The following LHFPL2 variants were observed in gnomAD, a reference collection of about 807,000 sequenced individuals.
LHFPL2 encodes the protein LHFPL tetraspan subfamily member 2 protein.
LHFPL2 carries 7 observed loss-of-function variants against 17.5 expected under a neutral mutation model. The observed-to-expected ratio is 0.40, with a 90% CI of 0.23 to 0.75. The LOEUF is 0.75. LHFPL2 is among the 30% of genes least tolerant of loss of function. LHFPL2 has a pLI of 0.37. For synonymous variants in LHFPL2, 134 were observed against 116.2 expected (o/e 1.15, Z -0.99); for missense variants, 241 against 294.8 (o/e 0.82, Z 1.34).
chr5:78,642,996 AC>A (rs1745734138), intron 1 of LHFPL2, among the ~76,000 whole-genome samples: 1 of 150,762 alleles, frequency 6.6e-6, no homozygotes, highest in South Asian at 2.1e-4. Flanking sequence ...TACCTAGCCC[AC>A]CTTATGGCCA....
rs77564149 is a variant in LHFPL2 at position 78,609,803 on chromosome 5, A to C, written c.-245+22461T>G. Among the ~76,000 whole-genome samples, 155 of 152,188 alleles carry C rather than the reference A, an allele frequency of 1.0e-3. 4 individuals carry two copies. In the East Asian group the frequency reaches 0.024, roughly 24 times the overall value. On this transcript the variant is annotated intron_variant, in intron 2 of 4. Transcript: ENST00000380345. ...GGACAGAAAAGAAACCAGAAAATTA[A>C]GCTCCTTTTATTTTGAAAGAAAAAA...
At chr5:78,498,163 C>T (rs1039799525) in intron 4 of LHFPL2, among the ~76,000 whole-genome samples, 1 of 152,182 alleles carries the variant, frequency 6.6e-6, no homozygotes, top group Non-Finnish European at 1.5e-5. Context: ...ACGGAAAACA[C>T]CACTGCGAAG....
intron 4 of LHFPL2, among the ~76,000 whole-genome samples, chr5:78,496,860 C>T (rs1376024482): frequency 6.6e-6 from 1 of 152,168 alleles, no homozygotes; most frequent in East Asian, 1.9e-4. Flanking sequence ...CACAAGGGTG[C>T]CCAGGGCTCA....
At chr5:78,580,618 C>T (rs905572548) in intron 2 of LHFPL2, among the ~76,000 whole-genome samples, 2 of 149,776 alleles carry the variant, frequency 1.3e-5, no homozygotes, top group African/African-American at 4.9e-5. Context: ...TTCCCCATTG[C>T]TTGTTTTTCT....
chr5:78,545,761 A>G (rs1756253040), intron 3 of LHFPL2, among the ~76,000 whole-genome samples: 1 of 152,258 alleles, frequency 6.6e-6, no homozygotes, highest in South Asian at 2.1e-4. Flanking sequence ...CAACAGAGTC[A>G]ACTGACCGAA....
intron 3 of LHFPL2, among the ~76,000 whole-genome samples, chr5:78,512,735 C>T (rs578128002): frequency 5.2e-4 from 79 of 151,158 alleles, no homozygotes; most frequent in Non-Finnish European, 1.0e-3. Flanking sequence ...TCTTTCCCAT[C>T]CCTTTTCTCT....
rs1743718206 is a variant in LHFPL2 at position 78,593,471 on chromosome 5, A to C, written c.-244-28600T>G. On this transcript the variant is annotated intron_variant, in intron 2 of 4. Coordinates refer to ENST00000380345, the MANE Select transcript of LHFPL2 (RefSeq NM_005779.3). ...CCCTTCACACTCCAAAAACAGTATCATTTTCATGACAAAAAGCTCTTTTAA... is the reference window on the plus strand; with the variant it reads ...CCCTTCACACTCCAAAAACAGTATCCTTTTCATGACAAAAAGCTCTTTTAA... Among the ~76,000 whole-genome samples, 3 of 152,184 alleles carry C rather than the reference A, an allele frequency of 2.0e-5. No individual in the cohort carries two copies. In the South Asian group the frequency reaches 6.3e-4, roughly 32 times the overall value.
At chr5:78,637,904 C>T (rs1561376799) in intron 1 of LHFPL2, among the ~76,000 whole-genome samples, 1 of 152,188 alleles carries the variant, frequency 6.6e-6, no homozygotes, top group Non-Finnish European at 1.5e-5. Flanking sequence ...TCTGGAACAT[C>T]AGCCTCCCCA....
intron 2 of LHFPL2, among the ~76,000 whole-genome samples, chr5:78,611,944 A>G (rs74910519): frequency 0.038 from 5,840 of 152,258 alleles, 397 homozygotes; most frequent in African/African-American, 0.13. Context: ...TAGGAGCTTC[A>G]TGAGTTAAAA....
chr5:78,625,569 C>CTATATATATATATATA (rs1580870059), intron 2 of LHFPL2: 2 of 152,180 alleles, frequency 1.3e-5, no homozygotes, highest in East Asian at 3.9e-4. Context: ...TTTGCTACAT[C>CTATATATATATATATA]TCCATTTTCT....
At chr5:78,525,004 T>C (rs1755574909) in intron 3 of LHFPL2, among the ~76,000 whole-genome samples, 1 of 152,250 alleles carries the variant, frequency 6.6e-6, no homozygotes, top group South Asian at 2.1e-4. Context: ...ACTTCAGTAC[T>C]TCTAACACTT....
rs1221270891 is a variant in LHFPL2, at chr5:78,487,227, C to A, written c.*1670G>T. 1.3e-5 allele frequency: 2 copies of A among 152,154 alleles called. No homozygotes were observed. Among genetic ancestry groups the A allele is most frequent in the Non-Finnish European group, 2.9e-5 (2 of 68,034 alleles). 9.4% of individuals were successfully genotyped at this position (152,154 alleles called of 1,614,324 possible). A position where few individuals can be genotyped will look rare whatever the true frequency, so the allele number is the denominator to read the frequency against. On this transcript the variant is annotated 3_prime_UTR_variant, in exon 5 of 5. Transcript: ENST00000380345. Reference sequence around the variant, plus strand: ...ATGGTTTCTCATATAGGCCAAACACCAGAATGTAGTAAAACTGCGGTTGTC... The same window carrying A: ...ATGGTTTCTCATATAGGCCAAACACAAGAATGTAGTAAAACTGCGGTTGTC...
At chr5:78,638,952 G>A (rs1745563383) in intron 1 of LHFPL2, among the ~76,000 whole-genome samples, 1 of 152,180 alleles carries the variant, frequency 6.6e-6, no homozygotes, top group African/African-American at 2.4e-5. Flanking sequence ...TAATTGGATG[G>A]CAGTTATTAA....
chr5:78,591,486 A>T (rs1743625810), intron 2 of LHFPL2, among the ~76,000 whole-genome samples: 1 of 152,226 alleles, frequency 6.6e-6, no homozygotes, highest in Non-Finnish European at 1.5e-5. Flanking sequence ...ATAATTTGCC[A>T]TTGCTTTTCA....
intron 1 of LHFPL2, among the ~76,000 whole-genome samples, chr5:78,646,345 C>G (rs1355151091): frequency 6.6e-6 from 1 of 152,238 alleles, no homozygotes; most frequent in Non-Finnish European, 1.5e-5. Flanking sequence ...AGCTGTTTAA[C>G]AGGCACCACT....
At chr5:78,547,299 A>G (rs1388364265) in intron 3 of LHFPL2, among the ~76,000 whole-genome samples, 4 of 152,212 alleles carry the variant, frequency 2.6e-5, no homozygotes, top group Non-Finnish European at 5.9e-5. Flanking sequence ...AATGTTCCCA[A>G]CATGGCTGTG....
chr5:78,642,614 A>AG (rs1385613079), intron 1 of LHFPL2, among the ~76,000 whole-genome samples: 1 of 152,150 alleles, frequency 6.6e-6, no homozygotes, highest in African/African-American at 2.4e-5. Context: ...CAAGAGAGGG[A>AG]GGCCTCCCTA....
intron 2 of LHFPL2, among the ~76,000 whole-genome samples, chr5:78,621,981 C>T (rs1051188969): frequency 6.6e-6 from 1 of 152,126 alleles, no homozygotes; most frequent in Non-Finnish European, 1.5e-5. Flanking sequence ...AACACATACT[C>T]TCTAAGAAAT....
Position 78,489,056 on chromosome 5 carries a change from A to G in LHFPL2, c.528T>C (p.Pro176=). 6.2e-7 allele frequency: 1 copy of G among 1,614,234 alleles called. No homozygotes were observed. The highest frequency in any genetic ancestry group is 1.7e-5 in the Admixed American group (1 of 60,032). The change falls in exon 5 of 5, where the codon CCT becomes CCC. Residue 176 remains proline (P), a synonymous_variant. Coordinates refer to ENST00000380345, the MANE Select transcript of LHFPL2 (RefSeq NM_005779.3). ...AGGCCCAGCCCAAGGAGCAGTCTCC[A>G]GGTTTGTAGGCAGATGCATAATGTC... ...YCGHYASAYK[P]GDCSLGWAFY...
Sources: allele counts gnomAD v4.1 joint callset (sites outside exome capture counted in the v4.1 genomes callset), GRCh38; gene constraint gnomAD v4.1.1; transcripts MANE v1.5; gene names NCBI Gene and HGNC (gene_info 2026-07-23, HGNC 2026-07-21).